The following LARP1 variants were observed in gnomAD, a reference collection of about 807,000 sequenced individuals.
LARP1 encodes the protein la-related protein 1.
In LARP1, 36 loss-of-function variants were observed where a neutral mutation model predicts 122.7. That is an observed-to-expected ratio of 0.29 (90% CI 0.22 to 0.39). LARP1 has a LOEUF of 0.39. Among genes scored for constraint, LARP1 ranks in the 10% least tolerant of loss-of-function variants. LARP1 has a pLI of 1.00. For synonymous variants in LARP1, 539 were observed against 528.7 expected (o/e 1.02, Z -0.27); for missense variants, 1,040 against 1,403.6 (o/e 0.74, Z 4.14).
intron 1 of LARP1, among the ~76,000 whole-genome samples, chr5:154,767,204 G>A (rs1755023584): frequency 6.6e-6 from 1 of 152,208 alleles, no homozygotes; most frequent in Non-Finnish European, 1.5e-5. Context: ...TGGGGCTATA[G>A]CTGGAGTGCC....
rs1754140574 is a variant in LARP1, at chr5:154,758,036, C to T, written c.436+1843C>T. On this transcript the variant is annotated intron_variant, in intron 1 of 18. Transcript: ENST00000518297. ...AACTTTAAAACACTCTTTGGTCCTT[C>T]TCCCCTCTTTAAACTCAAAAGGGTA... Among the ~76,000 whole-genome samples, 3 of 151,924 alleles carry T rather than the reference C, an allele frequency of 2.0e-5. No individual in the cohort carries two copies. In the South Asian group the frequency reaches 6.2e-4, roughly 32 times the overall value.
chr5:154,712,868 A>G (rs1755284894), exon 1 of LARP1: 19 of 1,487,196 alleles, frequency 1.3e-5, no homozygotes, highest in Non-Finnish European at 1.8e-5. Flanking sequence ...CAGCTGTGCG[A>G]TCTGGATGTA....
At chr5:154,745,942 C>A (rs919899878) in intron 1 of LARP1, among the ~76,000 whole-genome samples, 2 of 152,052 alleles carry the variant, frequency 1.3e-5, no homozygotes, top group Non-Finnish European at 2.9e-5. Context: ...ATTACAGGTA[C>A]GCGCCACCAC....
Position 154,803,892 on chromosome 5 carries a change from G to T in LARP1, c.2439+147G>T. The T allele has an allele frequency of 1.1e-6, 1 of 871,916 alleles. No homozygotes were observed. Among genetic ancestry groups the T allele is most frequent in the Non-Finnish European group, 1.8e-6 (1 of 556,082 alleles). 54.0% of individuals were successfully genotyped at this position (871,916 alleles called of 1,614,324 possible). A position where few individuals can be genotyped will look rare whatever the true frequency, so the allele number is the denominator to read the frequency against. ...TTCTGAGGCTGGTGGGCTTACCTAG[G>T]ATTAGGTAGCCACATCTGCAAAATA... On this transcript the variant is annotated intron_variant, in intron 13 of 18. Transcript: ENST00000518297. This position sits in a 1 kb window ranked among gnomAD's most constrained non-coding sequence, Gnocchi z 4.4.
intron 1 of LARP1, among the ~76,000 whole-genome samples, chr5:154,787,424 G>A (rs967750021): frequency 6.6e-5 from 10 of 152,292 alleles, no homozygotes; most frequent in Admixed American, 4.6e-4. Context: ...CTGTGTGCAC[G>A]TGTGCACACG....
rs371421608 is a variant in LARP1, at chr5:154,799,614, G to A, written c.1401G>A (p.Val467=). The change falls in exon 9 of 19, where the codon GTG becomes GTA. Residue 467 remains valine (V), a synonymous_variant. Transcript: ENST00000518297. ...IFAALKDSKV[V]EIVDEKVRRR... ...AGGCCCTAAAGGACAGCAAGGTGGTGGAGATCGTTGATGAGAAAGTTCGTA... is the reference window on the plus strand; with the variant it reads ...AGGCCCTAAAGGACAGCAAGGTGGTAGAGATCGTTGATGAGAAAGTTCGTA... The A allele has an allele frequency of 2.1e-5, 34 of 1,614,062 alleles. No homozygotes were observed. The highest frequency in any genetic ancestry group is 1.6e-4 in the Middle Eastern group (1 of 6,084).
At position 154,798,968 on chromosome 5, in the gene LARP1, G is replaced by T. The variant is rs139641453; in HGVS notation, c.1378-623G>T. Among the ~76,000 whole-genome samples the T allele has an allele frequency of 2.4e-3, 363 of 152,286 alleles. 7 individuals are homozygous for T. In the East Asian group the frequency reaches 0.027, roughly 11 times the overall value. On this transcript the variant is annotated intron_variant, in intron 8 of 18. Transcript: ENST00000518297. Reference sequence around the variant, plus strand: ...CAACCTCCACCTCCTGGGTTCAAGCGATTCTCCTGCTTAACCTCTCGAATA... The same window carrying T: ...CAACCTCCACCTCCTGGGTTCAAGCTATTCTCCTGCTTAACCTCTCGAATA...
chr5:154,713,126 C>T, exon 1 of LARP1: 3 of 1,612,968 alleles, frequency 1.9e-6, no homozygotes, highest in Non-Finnish European at 2.5e-6. Context: ...CCTTCAGCAA[C>T]CCTGGTGAGT....
At chr5:154,683,793 G>A (rs376739768) in intron 1 of LARP1, among the ~76,000 whole-genome samples, 1 of 152,326 alleles carries the variant, frequency 6.6e-6, no homozygotes, top group East Asian at 1.9e-4. Flanking sequence ...TTGGTATGCA[G>A]GCTAACATAG....
chr5:154,806,416 AG>A (rs1758789681), intron 15 of LARP1, among the ~76,000 whole-genome samples: 1 of 152,218 alleles, frequency 6.6e-6, no homozygotes, highest in African/African-American at 2.4e-5. Context: ...CTGGCCTGTG[AG>A]TCAAATCCAG....
At chr5:154,735,716 G>A (rs1181273773) in intron 1 of LARP1, among the ~76,000 whole-genome samples, 6 of 148,762 alleles carry the variant, frequency 4.0e-5, no homozygotes, top group African/African-American at 1.2e-4. Flanking sequence ...TTACAGGCAC[G>A]TGCCACCATG....
At position 154,770,310 on chromosome 5, in the gene LARP1, G is replaced by A. The variant is rs538332543; in HGVS notation, c.436+14117G>A. Reference sequence around the variant, plus strand: ...GAGGAAGCTTTCTGATTGCTATTTCGTATTTCCTCCTCACTTCTCACACTG... The same window carrying A: ...GAGGAAGCTTTCTGATTGCTATTTCATATTTCCTCCTCACTTCTCACACTG... On this transcript the variant is annotated intron_variant, in intron 1 of 18. Coordinates refer to ENST00000518297, the MANE Select transcript of LARP1 (RefSeq NM_033551.3). Among the ~76,000 whole-genome samples, 9 of 151,330 alleles carry A rather than the reference G, an allele frequency of 5.9e-5. No homozygotes were observed. In the South Asian group the frequency reaches 1.5e-3, roughly 25 times the overall value.
At position 154,814,157 on chromosome 5, in the gene LARP1, G is replaced by A; in HGVS notation, c.*61G>A. 6 of 1,537,666 alleles carry A rather than the reference G, an allele frequency of 3.9e-6. No homozygotes were observed. The highest frequency in any genetic ancestry group is 5.3e-6 in the Non-Finnish European group (6 of 1,121,728). On this transcript the variant is annotated 3_prime_UTR_variant, in exon 19 of 19. Coordinates refer to ENST00000518297, the MANE Select transcript of LARP1 (RefSeq NM_033551.3). ...GGGTAGGGTGGGTAAGAGTCCATGG[G>A]GGTGCCCAGTCCCAGGAAAGGGGAC...
At chr5:154,696,015 T>C (rs1033011958) in intron 1 of LARP1, among the ~76,000 whole-genome samples, 1 of 152,094 alleles carries the variant, frequency 6.6e-6, no homozygotes, top group Non-Finnish European at 1.5e-5. Context: ...TAGGTTTAGA[T>C]CAACTATATT....
intron 1 of LARP1, among the ~76,000 whole-genome samples, chr5:154,738,761 A>T (rs367989077): frequency 1.3e-5 from 2 of 152,050 alleles, no homozygotes; most frequent in Non-Finnish European, 2.9e-5. Flanking sequence ...TTTACCATTT[A>T]AAAAAATGGA....
Position 154,805,915 on chromosome 5 carries a change from A to C in LARP1, c.2581A>C (p.Ser861Arg). Residue 861 changes from serine to arginine, a missense_variant, in exon 15 of 19, where the codon AGC becomes CGC. Ser to Arg is a moderately radical substitution (Grantham distance 110). Around this residue, in one of 8 missense-constraint regions of LARP1, gnomAD observed 26 missense variants for 27.5 expected, o/e 0.94. Transcript: ENST00000518297. ...SPSEGTPTVG[S>R]YGCTPQSLPK... ...CTCAGAAGGGACGCCTACAGTTGGCAGCTATGGCTGTACCCCTCAGTCATT... is the reference window on the plus strand; with the variant it reads ...CTCAGAAGGGACGCCTACAGTTGGCCGCTATGGCTGTACCCCTCAGTCATT... The C allele has an allele frequency of 6.2e-7, 1 of 1,614,168 alleles. No homozygotes were observed. The highest frequency in any genetic ancestry group is 8.5e-7 in the Non-Finnish European group (1 of 1,180,026).
intron 1 of LARP1, among the ~76,000 whole-genome samples, chr5:154,714,724 C>A (rs1301654431): frequency 6.6e-6 from 1 of 152,126 alleles, no homozygotes; most frequent in Non-Finnish European, 1.5e-5. Context: ...AGGGTTGTGG[C>A]AGCACCCTCT....
At chr5:154,684,742 A>C (rs972011192) in intron 1 of LARP1, among the ~76,000 whole-genome samples, 1 of 152,194 alleles carries the variant, frequency 6.6e-6, no homozygotes, top group African/African-American at 2.4e-5. Context: ...CCATTTTTTC[A>C]TCTGTTCCAT....
At chr5:154,693,972 G>A (rs1754354141) in intron 1 of LARP1, among the ~76,000 whole-genome samples, 1 of 152,082 alleles carries the variant, frequency 6.6e-6, no homozygotes, top group African/African-American at 2.4e-5. Flanking sequence ...ATCTAATGAG[G>A]CCTATAAGAA....
Sources: gnomAD v4.1 joint callset for allele counts (sites outside exome capture counted in the v4.1 genomes callset) on GRCh38, gnomAD v4.1.1 for gene constraint, gnomAD v4.1.1 regional missense constraint, Gnocchi (gnomAD v3.1) non-coding constraint, MANE v1.5 for transcripts, NCBI Gene and HGNC (gene_info 2026-07-23, HGNC 2026-07-21) for gene names.